RBM19: variants seen among roughly 807,000 people sequenced by gnomAD.
RBM19 encodes the protein RNA binding motif protein 19.
RBM19 carries 94 observed loss-of-function variants against 116.8 expected under a neutral mutation model. That is an observed-to-expected ratio of 0.80 (90% confidence interval 0.68 to 0.95). The LOEUF is 0.95. RBM19 is among the 40% of genes least tolerant of loss of function. The probability of loss-of-function intolerance (pLI) is 0.00; values close to 1 mark genes in which losing one functional copy is unlikely to be tolerated. For missense variants in RBM19, 1,161 were observed against 1,220.7 expected (o/e 0.95, Z 0.73); for synonymous variants, 475 against 494.1 (o/e 0.96, Z 0.51).
intron 16 of RBM19, among the ~76,000 whole-genome samples, chr12:113,934,811 A>G (rs1218144124): frequency 6.6e-6 from 1 of 152,010 alleles, no homozygotes; most frequent in Non-Finnish European, 1.5e-5. Context: ...CAAACGTTCA[A>G]ACCTAACTAA....
intron 21 of RBM19, among the ~76,000 whole-genome samples, chr12:113,890,547 G>A (rs769039742): frequency 6.6e-6 from 1 of 152,192 alleles, no homozygotes; most frequent in Non-Finnish European, 1.5e-5. Flanking sequence ...ACACGCTGCC[G>A]ATCACCCCCA....
chr12:113,909,350 G>C (rs1882284033), intron 21 of RBM19, among the ~76,000 whole-genome samples: 1 of 149,578 alleles, frequency 6.7e-6, no homozygotes, highest in African/African-American at 2.5e-5. Flanking sequence ...CGAACTCCTA[G>C]CTTCAAAGGA....
chr12:113,888,323 G>A (rs1880690334), intron 21 of RBM19, among the ~76,000 whole-genome samples: 2 of 152,120 alleles, frequency 1.3e-5, no homozygotes, highest in South Asian at 2.1e-4. Context: ...CATCACATCC[G>A]TCAAAGACTA....
At chr12:113,859,736 T>A (rs1878212087) in intron 21 of RBM19, among the ~76,000 whole-genome samples, 1 of 152,222 alleles carries the variant, frequency 6.6e-6, no homozygotes, top group Admixed American at 6.5e-5. Flanking sequence ...AATGTCCATT[T>A]ATCAAATATA....
chr12:113,910,827 C>G (rs1431027102), intron 21 of RBM19, among the ~76,000 whole-genome samples: 2 of 152,300 alleles, frequency 1.3e-5, no homozygotes, highest in African/African-American at 4.8e-5. Context: ...AAATAAGACC[C>G]TCTCCACCAA....
At chr12:113,920,522 A>C in intron 19 of RBM19, 89 bp downstream of exon 19, 1 of 1,187,980 alleles carries the variant, frequency 8.4e-7, no homozygotes, top group East Asian at 2.3e-5. Context: ...GACTTCATAC[A>C]TATTCTCACT....
chr12:113,873,561 C>T (rs1879445370), intron 21 of RBM19, among the ~76,000 whole-genome samples: 1 of 118,416 alleles, frequency 8.4e-6, no homozygotes, highest in African/African-American at 3.3e-5. Context: ...GCAGGGTCCT[C>T]TGCCTAGGAA....
intron 19 of RBM19, 72 bp downstream of exon 19, chr12:113,920,539 C>G: frequency 7.4e-7 from 1 of 1,354,658 alleles, no homozygotes. Flanking sequence ...CACTCAATTT[C>G]AGAGGGCTGA....
downstream of RBM19, among the ~76,000 whole-genome samples, chr12:113,820,717 G>A (rs150020611): frequency 6.9e-4 from 105 of 152,278 alleles, no homozygotes; most frequent in African/African-American, 2.3e-3. Context: ...CTACTCCTGT[G>A]TGCTCACAGA....
At chr12:113,958,571 C>T (rs1403043305) in intron 5 of RBM19, among the ~76,000 whole-genome samples, 1 of 152,160 alleles carries the variant, frequency 6.6e-6, no homozygotes, top group East Asian at 1.9e-4. Context: ...CCTCCCCTAC[C>T]GTGTCCCACT....
chr12:113,943,936 A>G lies in RBM19; in HGVS notation c.1627-1502T>C, dbSNP rs1239506199. ...ACATGTGGCCACTAGACCATTTCCA[A>G]CTACACATGTGGCTCACATTCCCTA... is the stretch of plus-strand genomic sequence containing the variant. On this transcript the variant is annotated intron_variant, in intron 13 of 23. Transcript: ENST00000261741. Among the ~76,000 whole-genome samples, 23 of 151,986 alleles carry G rather than the reference A, an allele frequency of 1.5e-4. 1 individual carries two copies. Among genetic ancestry groups the G allele is most frequent in the Non-Finnish European group, 1.5e-5 (1 of 68,008 alleles).
At chr12:113,884,298 TACACACACACACACAC>T (rs56150788) in intron 21 of RBM19, among the ~76,000 whole-genome samples, 8 of 137,298 alleles carry the variant, frequency 5.8e-5, no homozygotes, top group Non-Finnish European at 9.2e-5. Flanking sequence ...AAAAAAAGTA[TACACACACACACACAC>T]ACACACACAC....
intron 21 of RBM19, among the ~76,000 whole-genome samples, chr12:113,862,576 T>G (rs1878483743): frequency 6.6e-6 from 1 of 152,226 alleles, no homozygotes. Context: ...GAAGCTGTTT[T>G]TAAGAGCAGC....
chr12:113,916,402 G>A (rs1489916351), intron 20 of RBM19, among the ~76,000 whole-genome samples: 1 of 152,172 alleles, frequency 6.6e-6, no homozygotes, highest in African/African-American at 2.4e-5. Context: ...GTGAGACTCC[G>A]TCTCAAAAAA....
intron 1 of RBM19, among the ~76,000 whole-genome samples, chr12:113,965,482 G>T (rs995660723): frequency 1.3e-5 from 2 of 151,970 alleles, no homozygotes. Flanking sequence ...AAGAGACACT[G>T]TCTAACCTGA....
chr12:113,940,183 C>CAG, intron 14 of RBM19, 23 bp from the exon 15 acceptor site: 1 of 1,601,792 alleles, frequency 6.2e-7, no homozygotes, highest in South Asian at 1.1e-5. Flanking sequence ...AATGCACACA[C>CAG]ATGGGACCAC....
At chr12:113,836,092 CCT>C (rs1875859153) in intron 23 of RBM19, among the ~76,000 whole-genome samples, 1 of 152,216 alleles carries the variant, frequency 6.6e-6, no homozygotes, top group South Asian at 2.1e-4. Context: ...GGCGGACTTT[CCT>C]CTTTCTTCCC....
intron 21 of RBM19, among the ~76,000 whole-genome samples, chr12:113,885,900 T>A (rs1880481387): frequency 6.8e-6 from 1 of 146,930 alleles, no homozygotes; most frequent in African/African-American, 2.5e-5. Flanking sequence ...ATGGGGTCTC[T>A]CTCTGTCGCC....
chr12:113,847,168 C>G (rs1292017906), intron 22 of RBM19, among the ~76,000 whole-genome samples: 1 of 152,196 alleles, frequency 6.6e-6, no homozygotes, highest in Non-Finnish European at 1.5e-5. Flanking sequence ...AAAACGAGCA[C>G]AGAGGGCAGC....
Sources: allele counts gnomAD v4.1 joint callset (sites outside exome capture counted in the v4.1 genomes callset), GRCh38; gene constraint gnomAD v4.1.1; transcripts MANE v1.5; gene names NCBI Gene and HGNC (gene_info 2026-07-23, HGNC 2026-07-21).